The following FAM81B variants were observed in gnomAD, a reference collection of about 807,000 sequenced individuals.
The protein encoded by FAM81B is family with sequence similarity 81 member B.
Under a neutral mutation model 58.7 loss-of-function variants are expected in FAM81B, and 60 were observed. That is an observed-to-expected ratio of 1.02 (90% CI 0.83 to 1.27). FAM81B has a LOEUF of 1.27. Ranked by LOEUF, FAM81B falls within the 50% of genes most tolerant of loss-of-function variation. FAM81B has a pLI of 0.00. For missense variants in FAM81B, 491 were observed against 522.0 expected (o/e 0.94, Z 0.58); for synonymous variants, 189 against 179.6 (o/e 1.05, Z -0.42).
At chr5:95,404,263 C>T (rs1466377484) in intron 3 of FAM81B, among the ~76,000 whole-genome samples, 1 of 152,102 alleles carries the variant, frequency 6.6e-6, no homozygotes, top group Non-Finnish European at 1.5e-5. Context: ...GTAGCACTGA[C>T]AGCATGGTGG....
At chr5:95,416,078 G>T (rs1017889921) in intron 4 of FAM81B, among the ~76,000 whole-genome samples, 1 of 152,190 alleles carries the variant, frequency 6.6e-6, no homozygotes, top group African/African-American at 2.4e-5. Flanking sequence ...AAAAGGACTG[G>T]ATTGAGTTTG....
intron 6 of FAM81B, 136 bp downstream of exon 6, chr5:95,428,868 C>A: frequency 8.7e-7 from 1 of 1,146,730 alleles, no homozygotes; most frequent in Non-Finnish European, 1.3e-6. Flanking sequence ...TCTGACAGCT[C>A]ACTCATATAC....
Position 95,420,356 on chromosome 5 carries a change from A to T in FAM81B, c.610A>T (p.Ile204Phe). ...GTNFAVHEIN[I>F]KHLQGVGDLR... Reference sequence around the variant, plus strand: ...TAACTTTGCAGTACACGAGATAAACATCAAACACCTACAAGGAGTTGGAGA... The same window carrying T: ...TAACTTTGCAGTACACGAGATAAACTTCAAACACCTACAAGGAGTTGGAGA... The change falls in exon 5 of 10, where the codon ATC (isoleucine) becomes TTC (phenylalanine). Residue 204 changes from isoleucine to phenylalanine, a missense_variant. Ile to Phe is a conservative substitution (Grantham distance 21). Coordinates refer to ENST00000283357, the MANE Select transcript of FAM81B (RefSeq NM_152548.3). 2 of 1,613,934 alleles carry T rather than the reference A, an allele frequency of 1.2e-6. No homozygotes were observed. The highest frequency in any genetic ancestry group is 1.7e-6 in the Non-Finnish European group (2 of 1,179,822).
chr5:95,403,751 T>G (rs1322404609), intron 3 of FAM81B, among the ~76,000 whole-genome samples: 1 of 152,212 alleles, frequency 6.6e-6, no homozygotes, highest in Non-Finnish European at 1.5e-5. Context: ...CTTCTGTGTA[T>G]CCCTTCTTGA....
rs75544076 is a variant in FAM81B at position 95,438,906 on chromosome 5, T to C, written c.893+2000T>C. Among the ~76,000 whole-genome samples the C allele has an allele frequency of 3.4e-3, 514 of 151,518 alleles. 3 individuals are homozygous for C. Among genetic ancestry groups the C allele is most frequent in the Non-Finnish European group, 5.2e-3 (351 of 67,776 alleles). ...AATTTCCTCCTTGTTAATATAAGTA[T>C]ATAACAGAGAAAGGATATGTATATA... is the stretch of plus-strand genomic sequence containing the variant. On this transcript the variant is annotated intron_variant, in intron 7 of 9. Coordinates refer to ENST00000283357, the MANE Select transcript of FAM81B (RefSeq NM_152548.3).
At chr5:95,423,655 G>A (rs1052146547) in intron 5 of FAM81B, among the ~76,000 whole-genome samples, 5 of 151,896 alleles carry the variant, frequency 3.3e-5, no homozygotes, top group African/African-American at 7.3e-5. Context: ...GGCCTGGTCA[G>A]AGAGGGCAGA....
intron 3 of FAM81B, among the ~76,000 whole-genome samples, chr5:95,410,040 TATATGAC>T (rs1442666371): frequency 1.3e-5 from 2 of 152,218 alleles, no homozygotes; most frequent in Non-Finnish European, 2.9e-5. Flanking sequence ...AAGAGGTGGC[TATATGAC>T]ATAGCTTCAG....
chr5:95,392,474 A>C (rs1328221860), intron 1 of FAM81B, among the ~76,000 whole-genome samples: 1 of 152,180 alleles, frequency 6.6e-6, no homozygotes, highest in African/African-American at 2.4e-5. Context: ...CATGTTCTGC[A>C]CGTGTATCCC....
intron 4 of FAM81B, among the ~76,000 whole-genome samples, chr5:95,417,525 TC>T (rs779832529): frequency 6.6e-6 from 1 of 152,212 alleles, no homozygotes; most frequent in African/African-American, 2.4e-5. Context: ...CAGCTTCATT[TC>T]TTCTTCTAAT....
intron 7 of FAM81B, among the ~76,000 whole-genome samples, chr5:95,443,480 T>C (rs965271988): frequency 6.6e-6 from 1 of 152,166 alleles, no homozygotes; most frequent in Non-Finnish European, 1.5e-5. Flanking sequence ...ATACATCTAA[T>C]AGAAATGCTC....
chr5:95,424,745 C>T (rs111678317), intron 5 of FAM81B, among the ~76,000 whole-genome samples: 5 of 152,048 alleles, frequency 3.3e-5, no homozygotes, highest in Non-Finnish European at 7.4e-5. Context: ...CTGAGAGAGG[C>T]AGTGAGAGGA....
intron 3 of FAM81B, among the ~76,000 whole-genome samples, chr5:95,397,704 G>C (rs1761999819): frequency 6.6e-6 from 1 of 152,210 alleles, no homozygotes; most frequent in Non-Finnish European, 1.5e-5. Context: ...GCATGATAAA[G>C]ATTACTTCAC....
intron 4 of FAM81B, among the ~76,000 whole-genome samples, chr5:95,418,730 C>T (rs970792774): frequency 1.3e-5 from 2 of 152,118 alleles, no homozygotes; most frequent in Non-Finnish European, 2.9e-5. Flanking sequence ...GACTACTGTA[C>T]TTCTAAGACT....
rs75864659 is a variant in FAM81B, at chr5:95,444,633, C to T, written c.894-1929C>T. Among the ~76,000 whole-genome samples, 841 of 152,246 alleles carry T rather than the reference C, an allele frequency of 5.5e-3. 10 individuals are homozygous for T. Among genetic ancestry groups the T allele is most frequent in the African/African-American group, 0.019 (785 of 41,538 alleles). On this transcript the variant is annotated intron_variant, in intron 7 of 9. Transcript: ENST00000283357. ...GACTAAGAACACGAATAGAAACCAA[C>T]TCCATCTTCTTCAGTGTTGAGGTAC...
At chr5:95,446,817 T>G in intron 8 of FAM81B, 120 bp downstream of exon 8, 2 of 1,346,570 alleles carry the variant, frequency 1.5e-6, no homozygotes, top group Non-Finnish European at 2.1e-6. Context: ...AGTAACTTTT[T>G]TTTTTTTAAA....
chr5:95,441,689 T>C (rs1745360021), intron 7 of FAM81B, among the ~76,000 whole-genome samples: 1 of 152,220 alleles, frequency 6.6e-6, no homozygotes, highest in African/African-American at 2.4e-5. Flanking sequence ...TAAACTTATA[T>C]TGAACTTAAA....
intron 8 of FAM81B, among the ~76,000 whole-genome samples, chr5:95,446,985 A>T (rs1745598690): frequency 6.6e-6 from 1 of 151,124 alleles, no homozygotes; most frequent in Non-Finnish European, 1.5e-5. Context: ...CCCCAGACCC[A>T]GAGAGTCTGA....
chr5:95,392,447 C>T (rs1414637744), intron 1 of FAM81B, among the ~76,000 whole-genome samples: 1 of 152,042 alleles, frequency 6.6e-6, no homozygotes, highest in South Asian at 2.1e-4. Flanking sequence ...CACGTGTATA[C>T]CTACGTAACA....
chr5:95,428,876 T>C (rs1744739523), intron 6 of FAM81B, 144 bp downstream of exon 6: 1 of 1,099,066 alleles, frequency 9.1e-7, no homozygotes, highest in Non-Finnish European at 1.3e-6. Context: ...CTCACTCATA[T>C]ACGCCATGGA....
Sources: gnomAD v4.1 joint callset for allele counts (sites outside exome capture counted in the v4.1 genomes callset) on GRCh38, gnomAD v4.1.1 for gene constraint, MANE v1.5 for transcripts, NCBI Gene and HGNC (gene_info 2026-07-23, HGNC 2026-07-21) for gene names.